The following MICU1 variants were observed in gnomAD, a reference collection of about 807,000 sequenced individuals.
MICU1 encodes the protein calcium uptake protein 1, mitochondrial.
In MICU1, 45 loss-of-function variants were observed where a neutral mutation model predicts 56.8. That is an observed-to-expected ratio of 0.79 (90% CI 0.62 to 1.02). The LOEUF is 1.02. Among genes scored for constraint, MICU1 ranks in the 50% least tolerant of loss-of-function variants. MICU1 has a pLI of 0.00. For missense variants in MICU1, 504 were observed against 587.1 expected, an observed-to-expected ratio of 0.86 and a Z score of 1.46; for synonymous variants, 186 against 195.1, an observed-to-expected ratio of 0.95 and a Z score of 0.39.
intron 6 of MICU1, among the ~76,000 whole-genome samples, chr10:72,486,998 G>A (rs149061268): frequency 4.6e-5 from 7 of 152,242 alleles, no homozygotes; most frequent in Non-Finnish European, 8.8e-5. Flanking sequence ...TGCTAAAATC[G>A]AAGCAAGAAC....
chr10:72,549,244 G>A lies in MICU1; in HGVS notation c.493+1935C>T, dbSNP rs1589330586. On this transcript the variant is annotated intron_variant, in intron 4 of 11. Transcript: ENST00000361114. ...CTGGCTCTATTGTCCAGGCTGGGGT[G>A]CAGTGGTGTCATCTTGGCACACTGT... 2.0e-5 allele frequency among the ~76,000 whole-genome samples: 3 copies of A among 148,566 alleles called. No individual in the cohort carries two copies. In the South Asian group the frequency reaches 6.4e-4, roughly 32 times the overall value.
At chr10:72,563,522 A>G (rs935995846) in intron 2 of MICU1, among the ~76,000 whole-genome samples, 7 of 152,198 alleles carry the variant, frequency 4.6e-5, no homozygotes, top group Non-Finnish European at 1.0e-4. Context: ...TACCTGGAAT[A>G]TTTAGATTTA....
chr10:72,378,449 G>A (rs1237964370), intron 10 of MICU1, among the ~76,000 whole-genome samples: 1 of 152,056 alleles, frequency 6.6e-6, no homozygotes, highest in Non-Finnish European at 1.5e-5. Flanking sequence ...TCTTCCTCCT[G>A]CTCTGGCCAT....
At chr10:72,431,969 G>C (rs546084542) in intron 8 of MICU1, among the ~76,000 whole-genome samples, 3 of 151,792 alleles carry the variant, frequency 2.0e-5, no homozygotes, top group Admixed American at 6.6e-5. Context: ...ATATGTAGTG[G>C]TCATTTATAT....
intron 1 of MICU1, among the ~76,000 whole-genome samples, chr10:72,585,215 C>T (rs1010549814): frequency 8.6e-5 from 13 of 151,720 alleles, no homozygotes; most frequent in African/African-American, 2.7e-4. Flanking sequence ...GCCTCCCGAG[C>T]AGCTGGGATT....
intron 1 of MICU1, among the ~76,000 whole-genome samples, chr10:72,617,814 A>C (rs530275610): frequency 3.9e-5 from 6 of 152,266 alleles, no homozygotes; most frequent in Admixed American, 3.9e-4. Flanking sequence ...CCTGGGTGAC[A>C]GCACGAGACC....
At chr10:72,440,345 T>C (rs1056627443) in intron 8 of MICU1, among the ~76,000 whole-genome samples, 1 of 152,206 alleles carries the variant, frequency 6.6e-6, no homozygotes, top group African/African-American at 2.4e-5. Context: ...TGGCTAGCCA[T>C]ATGTAGAAGG....
At chr10:72,521,426 C>G (rs10823934) in intron 5 of MICU1, among the ~76,000 whole-genome samples, 89,490 of 151,858 alleles carry the variant, frequency 0.59, 27,623 homozygotes, top group Non-Finnish European at 0.67. Context: ...GCATATTCTG[C>G]AAGTATATGA....
At chr10:72,379,891 T>C (rs1390994550) in intron 10 of MICU1, among the ~76,000 whole-genome samples, 2 of 152,134 alleles carry the variant, frequency 1.3e-5, no homozygotes, top group Non-Finnish European at 2.9e-5. Context: ...TCCCCTTTCC[T>C]GGTACAAGAT....
chr10:72,514,799 G>T (rs1867595256), intron 5 of MICU1, among the ~76,000 whole-genome samples: 1 of 152,116 alleles, frequency 6.6e-6, no homozygotes, highest in Non-Finnish European at 1.5e-5. Context: ...ATCTTCTAAG[G>T]TTTCTTCTGA....
intron 4 of MICU1, among the ~76,000 whole-genome samples, chr10:72,547,929 T>TCC (rs1422416015): frequency 6.6e-6 from 1 of 152,152 alleles, no homozygotes; most frequent in African/African-American, 2.4e-5. Flanking sequence ...AGAGCTCAAC[T>TCC]CCCCTTAGCC....
chr10:72,461,428 C>T (rs1466998675), intron 8 of MICU1, among the ~76,000 whole-genome samples: 2 of 152,154 alleles, frequency 1.3e-5, no homozygotes, highest in Non-Finnish European at 2.9e-5. Flanking sequence ...CTGAGCAGTC[C>T]CCTGCTCTCT....
chr10:72,439,030 A>G (rs989880032), intron 8 of MICU1, among the ~76,000 whole-genome samples: 5 of 152,176 alleles, frequency 3.3e-5, no homozygotes, highest in East Asian at 3.8e-4. Context: ...AAAAGAGGGA[A>G]TCCTCCCTAA....
chr10:72,528,736 G>A (rs921497504), intron 5 of MICU1: 1 of 228,336 alleles, frequency 4.4e-6, no homozygotes, highest in Non-Finnish European at 9.6e-6. Context: ...ATGTCAAGGA[G>A]TAAAACTACA....
intron 1 of MICU1, among the ~76,000 whole-genome samples, chr10:72,580,444 T>C (rs1840866817): frequency 6.7e-6 from 1 of 149,178 alleles, no homozygotes; most frequent in African/African-American, 2.5e-5. Context: ...TCCAAGCTTT[T>C]GCTGATTTAT....
chr10:72,436,857 T>TA (rs1348515533), intron 8 of MICU1, among the ~76,000 whole-genome samples: 4 of 149,646 alleles, frequency 2.7e-5, no homozygotes, highest in Non-Finnish European at 6.0e-5. Context: ...AAGATAAGAG[T>TA]AAAAAAACGA....
chr10:72,424,036 G>A (rs1196593470), intron 8 of MICU1, among the ~76,000 whole-genome samples: 1 of 152,070 alleles, frequency 6.6e-6, no homozygotes, highest in African/African-American at 2.4e-5. Flanking sequence ...TTAGTAGTGG[G>A]ACTGTGTCAA....
Position 72,410,022 on chromosome 10 carries a change from CT to C in MICU1, c.1072-1986del, listed in dbSNP as rs1564851479. Among the ~76,000 whole-genome samples, 18 of 152,188 alleles carry C rather than the reference CT, an allele frequency of 1.2e-4. No homozygotes were observed. In the South Asian group the frequency reaches 3.7e-3, roughly 32 times the overall value. On this transcript the variant is annotated intron_variant, in intron 9 of 11. Transcript: ENST00000361114. Reference sequence around the variant, plus strand: ...GACTTTTAGGGAATTCATTTCCTTGCTTTTTTTAAAAATAGCATTTTTATAT... The same window carrying C: ...GACTTTTAGGGAATTCATTTCCTTGCTTTTTTAAAAATAGCATTTTTATAT...
At chr10:72,446,521 G>A in intron 8 of MICU1, among the ~76,000 whole-genome samples, 1 of 152,102 alleles carries the variant, frequency 6.6e-6, no homozygotes. Context: ...TAGAGACAGG[G>A]TTTCACCTTT....
Sources: allele counts gnomAD v4.1 joint callset (sites outside exome capture counted in the v4.1 genomes callset), GRCh38; gene constraint gnomAD v4.1.1; transcripts MANE v1.5; gene names NCBI Gene and HGNC (gene_info 2026-07-23, HGNC 2026-07-21).